NEFL: variants seen among roughly 807,000 people sequenced by gnomAD.
NEFL encodes the protein neurofilament light chain.
In NEFL, 36 loss-of-function variants were observed where a neutral mutation model predicts 51.6. The observed-to-expected ratio is 0.70, with a 90% CI of 0.53 to 0.92. The LOEUF (loss-of-function observed/expected upper bound fraction) is 0.92. Among genes scored for constraint, NEFL ranks in the 40% least tolerant of loss-of-function variants. The pLI, the probability that NEFL is intolerant of heterozygous loss-of-function variation, is 0.00. For synonymous variants in NEFL, 332 were observed against 302.5 expected, an observed-to-expected ratio of 1.10 and a Z score of -1.01; for missense variants, 671 against 722.0, an observed-to-expected ratio of 0.93 and a Z score of 0.81.
chr8:24,953,291 T>G (rs1298669140), intron 3 of NEFL, among the ~76,000 whole-genome samples, 185 bp downstream of exon 3: 1 of 152,208 alleles, frequency 6.6e-6, no homozygotes, highest in Non-Finnish European at 1.5e-5. Flanking sequence ...AATGAAAATT[T>G]TGACCAATCA....
Position 24,955,772 on chromosome 8 carries a change from G to A in NEFL, c.744C>T (p.Asp248=). ...IQYAQISVEM[D]VTKPDLSAAL... is the part of the protein sequence containing the mutation. ...CGGCGGAAAGGTCGGGCTTGGTCAC[G>A]TCCATCTCCACGGAGATCTGCGCGT... The change falls in exon 1 of 4, where the codon GAC becomes GAT. Residue 248 remains aspartate (D), a synonymous_variant. Transcript: ENST00000610854. This position sits in a 1 kb window ranked among gnomAD's most constrained non-coding sequence, Gnocchi z 4.0. 6.2e-7 allele frequency: 1 copy of A among 1,613,232 alleles called. No homozygotes were observed. The highest frequency in any genetic ancestry group is 1.1e-5 in the South Asian group (1 of 91,076).
In NEFL at chr8:24,953,468, TATC is replaced by T; in HGVS notation, c.1489+5_1489+7del. On this transcript the variant is annotated splice_donor_5th_base_variant and intron_variant, in intron 3 of 3. Transcript: ENST00000610854. ...ACTTGAAGTTGCAGGGGTTTTTTCTTATCATACCTTCTTCCTCTTCAGCTGCCT... is the reference window on the plus strand; with the variant it reads ...ACTTGAAGTTGCAGGGGTTTTTTCTTATACCTTCTTCCTCTTCAGCTGCCT... 5 of 1,555,588 alleles carry T rather than the reference TATC, an allele frequency of 3.2e-6. No individual in the cohort carries two copies. Among genetic ancestry groups the T allele is most frequent in the Non-Finnish European group, 3.5e-6 (4 of 1,150,250 alleles).
rs752997070 is a variant in NEFL at position 24,956,118 on chromosome 8, G to C, written c.398C>G (p.Ser133Cys). The C allele has an allele frequency of 1.9e-6, 3 of 1,608,236 alleles. No homozygotes were observed. The highest frequency in any genetic ancestry group is 1.7e-6 in the Non-Finnish European group (2 of 1,178,856). ...LVLRQKHSEP[S>C]RFRALYEQEI... Reference sequence around the variant, plus strand: ...CTGCTCGTACAGCGCCCGGAAGCGGGATGGCTCGGAGTGCTTCTGGCGCAG... The same window carrying C: ...CTGCTCGTACAGCGCCCGGAAGCGGCATGGCTCGGAGTGCTTCTGGCGCAG... Residue 133 changes from serine (S) to cysteine (C), a missense_variant, in exon 1 of 4, where the codon TCC becomes TGC. Ser to Cys is a moderately radical substitution (Grantham distance 112). Coordinates refer to ENST00000610854, the MANE Select transcript of NEFL (RefSeq NM_006158.5). This position sits in a 1 kb window ranked among gnomAD's most constrained non-coding sequence, Gnocchi z 5.9.
chr8:24,954,387 G>A, intron 1 of NEFL, 82 bp from the exon 2 acceptor site: 2 of 1,480,488 alleles, frequency 1.4e-6, no homozygotes, highest in Non-Finnish European at 1.8e-6. Context: ...AGTTGCAAAG[G>A]CCTAGTTTCG....
At position 24,953,349 on chromosome 8, in the gene NEFL, A is replaced by C. The variant is rs1388212689; in HGVS notation, c.1489+127T>G. The C allele has an allele frequency of 2.7e-6, 4 of 1,501,558 alleles. No homozygotes were observed. In the African/African-American group the frequency reaches 5.6e-5, roughly 21 times the overall value. 93.0% of individuals were successfully genotyped at this position (1,501,558 alleles called of 1,614,324 possible). On this transcript the variant is annotated intron_variant, in intron 3 of 3. Transcript: ENST00000610854. ...AGGAAAGTTTTGCTAAACAAACAGA[A>C]AATTTATTTATGATTCTAATGTCAT...
chr8:24,956,378 C>T lies in NEFL; in HGVS notation c.138G>A (p.Pro46=). The change falls in exon 1 of 4, where the codon CCG becomes CCA. Residue 46 remains proline (P), a synonymous_variant. Transcript: ENST00000610854. This position sits in a 1 kb window ranked among gnomAD's most constrained non-coding sequence, Gnocchi z 5.9. ...ARSAYSSYSA[P]VSSSLSVRRS... Reference sequence around the variant, plus strand: ...GGCGCACGGACAGCGAGGAAGACACCGGCGCCGAGTAGCTGGAGTAAGCTG... The same window carrying T: ...GGCGCACGGACAGCGAGGAAGACACTGGCGCCGAGTAGCTGGAGTAAGCTG... 1 of 1,605,700 alleles carries T rather than the reference C, an allele frequency of 6.2e-7. No homozygotes were observed. Among genetic ancestry groups the T allele is most frequent in the Non-Finnish European group, 8.5e-7 (1 of 1,176,600 alleles).
rs1802969755 is a variant in NEFL at position 24,951,570 on chromosome 8, G to A, written c.*1240C>T. 6.6e-6 allele frequency: 1 copy of A among 152,390 alleles called. No homozygotes were observed. The highest frequency in any genetic ancestry group is 1.5e-5 in the Non-Finnish European group (1 of 68,044). The allele number at this position is 152,390 out of a possible 1,614,324, so 9.4% of individuals were successfully genotyped here. The stretch of plus-strand genomic sequence containing the variant: ...TCCAAATATCTCCCAGTAGAGACAT[G>A]CAGAGCAATGTCAATGTAACATACA... On this transcript the variant is annotated 3_prime_UTR_variant, in exon 4 of 4. Coordinates refer to ENST00000610854, the MANE Select transcript of NEFL (RefSeq NM_006158.5).
At position 24,956,382 on chromosome 8, in the gene NEFL, G is replaced by T; in HGVS notation, c.134C>A (p.Ala45Glu). The T allele has an allele frequency of 6.2e-7, 1 of 1,605,700 alleles. No homozygotes were observed. Among genetic ancestry groups the T allele is most frequent in the Non-Finnish European group, 8.5e-7 (1 of 1,176,620 alleles). ...CACGGACAGCGAGGAAGACACCGGC[G>T]CCGAGTAGCTGGAGTAAGCTGAGCG... ...TARSAYSSYS[A>E]PVSSSLSVRR... Residue 45 changes from alanine to glutamate, a missense_variant, in exon 1 of 4, where the codon GCG (alanine) becomes GAG (glutamate). By Grantham distance (107) the Ala-to-Glu change is moderately radical. Coordinates refer to ENST00000610854, the MANE Select transcript of NEFL (RefSeq NM_006158.5). The surrounding 1 kb of genome is among the most constrained non-coding windows in gnomAD (Gnocchi z 5.9).
At position 24,955,946 on chromosome 8, in the gene NEFL, G is replaced by T. The variant is rs1156955682; in HGVS notation, c.570C>A (p.Gly190=). 3 of 1,602,946 alleles carry T rather than the reference G, an allele frequency of 1.9e-6. No individual in the cohort carries two copies. Among genetic ancestry groups the T allele is most frequent in the Non-Finnish European group, 1.7e-6 (2 of 1,179,184 alleles). ...EEVLSREDAE[G]RLMEARKGAD... ...CGCCTTTGCGCGCTTCCATCAGCCG[G>T]CCCTCGGCGTCCTCGCGGCTCAGCA... Residue 190 remains glycine (G), a synonymous_variant, in exon 1 of 4, where the codon GGC becomes GGA. Coordinates refer to ENST00000610854, the MANE Select transcript of NEFL (RefSeq NM_006158.5). This position sits in a 1 kb window ranked among gnomAD's most constrained non-coding sequence, Gnocchi z 4.0.
In NEFL at chr8:24,953,522, C is replaced by T; in HGVS notation, c.1443G>A (p.Lys481=). 2 of 1,609,884 alleles carry T rather than the reference C, an allele frequency of 1.2e-6. No homozygotes were observed. The highest frequency in any genetic ancestry group is 1.1e-5 in the South Asian group (1 of 90,392). Residue 481 remains lysine, a synonymous_variant, in exon 3 of 4, where the codon AAG becomes AAA. Transcript: ENST00000610854. ...PSEGEAEEEE[K]DKEEAEEEEA... Reference sequence around the variant, plus strand: ...CCTCTTCCTCGGCCTCTTCCTTGTCCTTCTCCTCCTCCTCGGCTTCTCCTT... The same window carrying T: ...CCTCTTCCTCGGCCTCTTCCTTGTCTTTCTCCTCCTCCTCGGCTTCTCCTT...
In NEFL at chr8:24,955,078, T is replaced by C. The variant is rs1803024797; in HGVS notation, c.1044+394A>G. 5.0e-6 allele frequency: 1 copy of C among 201,552 alleles called. No individual in the cohort carries two copies. The highest frequency in any genetic ancestry group is 1.3e-4 in the South Asian group (1 of 7,754). 12.5% of individuals were successfully genotyped at this position (201,552 alleles called of 1,614,324 possible). A position where few individuals can be genotyped will look rare whatever the true frequency, so the allele number is the denominator to read the frequency against. ...GGTCACAGTAATCCTTCAGAATTAATTGAGAGTTGTTCACTCTACTATTTA... is the reference window on the plus strand; with the variant it reads ...GGTCACAGTAATCCTTCAGAATTAACTGAGAGTTGTTCACTCTACTATTTA... On this transcript the variant is annotated intron_variant, in intron 1 of 3. Transcript: ENST00000610854. The surrounding 1 kb of genome is among the most constrained non-coding windows in gnomAD (Gnocchi z 4.0).
In NEFL at chr8:24,955,216, C is replaced by G. The variant is rs969870504; in HGVS notation, c.1044+256G>C. 15 of 523,292 alleles carry G rather than the reference C, an allele frequency of 2.9e-5. No individual in the cohort carries two copies. Among genetic ancestry groups the G allele is most frequent in the Non-Finnish European group, 5.1e-5 (15 of 296,918 alleles). The allele number at this position is 523,292 out of a possible 1,614,324, so 32.4% of individuals were successfully genotyped here. ...ACGCCCAATTCCCACGTCTTCCCCT[C>G]CCCCACCCAACAAGGGCTGGGCAGC... On this transcript the variant is annotated intron_variant, in intron 1 of 3. Coordinates refer to ENST00000610854, the MANE Select transcript of NEFL (RefSeq NM_006158.5). This position sits in a 1 kb window ranked among gnomAD's most constrained non-coding sequence, Gnocchi z 4.0.
In NEFL at chr8:24,956,526, G is replaced by A; in HGVS notation, c.-11C>T. 2 of 1,581,838 alleles carry A rather than the reference G, an allele frequency of 1.3e-6. No homozygotes were observed. Among genetic ancestry groups the A allele is most frequent in the Non-Finnish European group, 1.7e-6 (2 of 1,165,832 alleles). ...GCTGAAGGAACTCATGGTGGCGGCC[G>A]GTGGCTCCCCGGCCCGCGGCGGCGG... On this transcript the variant is annotated 5_prime_UTR_variant, in exon 1 of 4. Coordinates refer to ENST00000610854, the MANE Select transcript of NEFL (RefSeq NM_006158.5). This position sits in a 1 kb window ranked among gnomAD's most constrained non-coding sequence, Gnocchi z 5.9.
rs1225143647 is a variant in NEFL at position 24,951,051 on chromosome 8, C to T, written c.*1759G>A. The T allele has an allele frequency of 6.6e-6, 1 of 152,586 alleles. No homozygotes were observed. Among genetic ancestry groups the T allele is most frequent in the Non-Finnish European group, 1.5e-5 (1 of 68,020 alleles). 9.5% of individuals were successfully genotyped at this position (152,586 alleles called of 1,614,324 possible). On this transcript the variant is annotated 3_prime_UTR_variant, in exon 4 of 4. Transcript: ENST00000610854. The stretch of plus-strand genomic sequence containing the variant: ...AATTCTCAAAGCATCCAGCTATTTC[C>T]ATTTGGCTAAAGTTACTTTTTGCAC...
In NEFL at chr8:24,952,752, G is replaced by A; in HGVS notation, c.*58C>T. 1.9e-6 allele frequency: 3 copies of A among 1,612,362 alleles called. No individual in the cohort carries two copies. The South Asian group carries it at 3.3e-5, about 18-fold the overall frequency. On this transcript the variant is annotated 3_prime_UTR_variant, in exon 4 of 4. Transcript: ENST00000610854. ...GAACTCAACTGGTTGGTTGGTTGGT[G>A]ATGGGGTTGACCTGATTTCGGGAGA...
chr8:24,955,906 G>GCGC lies in NEFL; in HGVS notation c.607_609dup (p.Ala203dup). 1.2e-6 allele frequency: 2 copies of GCGC among 1,605,220 alleles called. No homozygotes were observed. The highest frequency in any genetic ancestry group is 1.7e-6 in the Non-Finnish European group (2 of 1,179,762). ...CGCTTCTCGAGCTCGGCGCGAGCGA[G>GCGC]CGCCGCCTCGTCGGCGCCTTTGCGC... On this transcript the variant is annotated inframe_insertion, in exon 1 of 4. Transcript: ENST00000610854. This position sits in a 1 kb window ranked among gnomAD's most constrained non-coding sequence, Gnocchi z 4.0.
rs1176623985 is a variant in NEFL, at chr8:24,951,606, C to A, written c.*1204G>T. ...TCAATGTAACATACAAGCATATTACCTCCCCCCTTAAGTGACTCATAATTT... is the reference window on the plus strand; with the variant it reads ...TCAATGTAACATACAAGCATATTACATCCCCCCTTAAGTGACTCATAATTT... On this transcript the variant is annotated 3_prime_UTR_variant, in exon 4 of 4. Transcript: ENST00000610854. 1 of 152,468 alleles carries A rather than the reference C, an allele frequency of 6.6e-6. No individual in the cohort carries two copies. 9.4% of individuals were successfully genotyped at this position (152,468 alleles called of 1,614,324 possible).
In NEFL at chr8:24,955,325, A is replaced by C. The variant is rs1586127758; in HGVS notation, c.1044+147T>G. 4.1e-6 allele frequency: 3 copies of C among 729,978 alleles called. No homozygotes were observed. The highest frequency in any genetic ancestry group is 6.5e-6 in the Non-Finnish European group (3 of 464,146). 45.2% of individuals were successfully genotyped at this position (729,978 alleles called of 1,614,324 possible). On this transcript the variant is annotated intron_variant, in intron 1 of 3. Transcript: ENST00000610854. This position sits in a 1 kb window ranked among gnomAD's most constrained non-coding sequence, Gnocchi z 4.0. ...CGCACTCACGCCCTTCAAGTGCCCC[A>C]CCCCTCCCACACAGTGGCCAAGGAG...
At position 24,956,138 on chromosome 8, in the gene NEFL, G is replaced by C; in HGVS notation, c.378C>G (p.Arg126=). ...KVLEAELLVL[R]QKHSEPSRFR... ...AGCGGGATGGCTCGGAGTGCTTCTG[G>C]CGCAGCACCAGCAGCTCGGCTTCCA... Residue 126 remains arginine (R), a synonymous_variant, in exon 1 of 4, where the codon CGC becomes CGG. Coordinates refer to ENST00000610854, the MANE Select transcript of NEFL (RefSeq NM_006158.5). This position sits in a 1 kb window ranked among gnomAD's most constrained non-coding sequence, Gnocchi z 5.9. The C allele has an allele frequency of 6.2e-7, 1 of 1,609,498 alleles. No homozygotes were observed. Among genetic ancestry groups the C allele is most frequent in the African/African-American group, 1.3e-5 (1 of 75,022 alleles).
Sources: gnomAD v4.1 joint callset for allele counts (sites outside exome capture counted in the v4.1 genomes callset) on GRCh38, gnomAD v4.1.1 for gene constraint, Gnocchi (gnomAD v3.1) non-coding constraint, MANE v1.5 for transcripts, NCBI Gene and HGNC (gene_info 2026-07-23, HGNC 2026-07-21) for gene names.